The following HCCS variants were observed in gnomAD, a reference collection of about 807,000 sequenced individuals.
HCCS encodes holocytochrome c synthase.
HCCS carries 2 observed loss-of-function variants against 24.2 expected under a neutral mutation model. The observed-to-expected ratio is 0.08, with a 90% confidence interval of 0.03 to 0.26. HCCS has a LOEUF of 0.26. Among genes scored for constraint, HCCS ranks in the 10% least tolerant of loss-of-function variants. The pLI is 1.00. For missense variants in HCCS, 150 were observed against 213.3 expected, an observed-to-expected ratio of 0.70 and a Z score of 1.85; for synonymous variants, 73 against 76.2, an observed-to-expected ratio of 0.96 and a Z score of 0.22.
At chrX:11,112,283 G>A in intron 2 of HCCS, 123 bp downstream of exon 2, 2 of 531,582 alleles carry the variant, frequency 3.8e-6, no homozygotes, top group East Asian at 3.7e-5. Flanking sequence ...TCAGGACTTC[G>A]AGACCAGCCT....
Position 11,114,968 on chromosome X carries a change from C to T in HCCS, c.234C>T (p.Asn78=), listed in dbSNP as rs1169809647. The part of the protein sequence containing the change: ...IRGTAAENKE[N]LDPSNLMPPP... ...GCACTGCGGCTGAGAATAAGGAGAA[C>T]CTAGATCCTTCAAATCTGGTAATCC... The change falls in exon 3 of 7, where the codon AAC becomes AAT. Residue 78 remains asparagine (N), a synonymous_variant. Transcript: ENST00000380762. 8.3e-7 allele frequency: 1 copy of T among 1,207,730 alleles called. No individual in the cohort carries two copies. Among genetic ancestry groups the T allele is most frequent in the Admixed American group, 2.2e-5 (1 of 45,856 alleles).
chrX:11,116,406 A>T (rs959773945), intron 3 of HCCS, among the ~76,000 whole-genome samples: 2 of 112,759 alleles, frequency 1.8e-5, no homozygotes, highest in East Asian at 5.5e-4. Flanking sequence ...TCTTAAACAC[A>T]CTGTGGTGAT....
In HCCS at chrX:11,114,818, A is replaced by G. The variant is rs1347923160; in HGVS notation, c.101-17A>G. The G allele has an allele frequency of 1.7e-6, 2 of 1,202,715 alleles. No homozygotes were observed. Among genetic ancestry groups the G allele is most frequent in the East Asian group, 3.0e-5 (1 of 33,789 alleles). On this transcript the variant is annotated splice_polypyrimidine_tract_variant and intron_variant, in intron 2 of 6. Transcript: ENST00000380762. Reference sequence around the variant, plus strand: ...CTGCCTTCATGGTGACACCATTTTTATACTTGATTATTTCAGGCTGTCCAG... The same window carrying G: ...CTGCCTTCATGGTGACACCATTTTTGTACTTGATTATTTCAGGCTGTCCAG...
At position 11,120,985 on chromosome X, in the gene HCCS, C is replaced by T; in HGVS notation, c.600C>T (p.Ser200=). The T allele has an allele frequency of 8.3e-7, 1 of 1,201,126 alleles. No homozygotes were observed. Among genetic ancestry groups the T allele is most frequent in the Non-Finnish European group, 1.1e-6 (1 of 885,625 alleles). ...ATTCACCAAGGGCACGAATTCGTTCCTGGATGGGGTGAGTGTCAGCGCAGA... is the reference window on the plus strand; with the variant it reads ...ATTCACCAAGGGCACGAATTCGTTCTTGGATGGGGTGAGTGTCAGCGCAGA... The part of the protein sequence containing the change: ...KEYSPRARIR[S]WMGYELPFDR... The change falls in exon 6 of 7, where the codon TCC becomes TCT. Residue 200 remains serine, a synonymous_variant. Transcript: ENST00000380762.
At chrX:11,112,503 A>G (rs1407570070) in intron 2 of HCCS, among the ~76,000 whole-genome samples, 1 of 111,961 alleles carries the variant, frequency 8.9e-6, no homozygotes, top group African/African-American at 3.3e-5. Flanking sequence ...GAAAGCCTCT[A>G]AAGGAAGAGG....
intron 2 of HCCS, among the ~76,000 whole-genome samples, chrX:11,112,778 G>A (rs1352520723): frequency 8.9e-6 from 1 of 112,885 alleles, no homozygotes; most frequent in Admixed American, 9.3e-5. Context: ...TTAACTGGAG[G>A]GGGGCAATCC....
At chrX:11,118,997 G>A (rs1013432565) in intron 5 of HCCS, among the ~76,000 whole-genome samples, 1 of 111,140 alleles carries the variant, frequency 9.0e-6, no homozygotes, top group African/African-American at 3.3e-5. Flanking sequence ...GGCTGTTTTC[G>A]GCTTCGTCAT....
At chrX:11,112,250 C>T in intron 2 of HCCS, 90 bp downstream of exon 2, 1 of 680,689 alleles carries the variant, frequency 1.5e-6, no homozygotes, top group Admixed American at 2.5e-5. Flanking sequence ...TTTGGGAGGC[C>T]GAGGTGGGTG....
rs918468109 is a variant in HCCS at position 11,118,675 on chromosome X, C to T, written c.521+55C>T. On this transcript the variant is annotated intron_variant, in intron 5 of 6. Transcript: ENST00000380762. ...AAGCATCTTTGTTATTTCATATCAG[C>T]TTTCTAGAGTTTTAACATTCAAATC... 4 of 1,123,514 alleles carry T rather than the reference C, an allele frequency of 3.6e-6. No homozygotes were observed. In the Admixed American group the frequency reaches 8.7e-5, roughly 24 times the overall value. The allele number at this position is 1,123,514 out of a possible 1,213,427, so 92.6% of individuals were successfully genotyped here. A position where few individuals can be genotyped will look rare whatever the true frequency, so the allele number is the denominator to read the frequency against.
At chrX:11,113,178 C>T in intron 2 of HCCS, among the ~76,000 whole-genome samples, 1 of 111,943 alleles carries the variant, frequency 8.9e-6, no homozygotes, top group Admixed American at 9.4e-5. Flanking sequence ...TCGTGAAGGG[C>T]AGAAGCAACA....
intron 1 of HCCS, 132 bp from the exon 2 acceptor site, chrX:11,111,887 C>A (rs1009538366): frequency 1.7e-5 from 8 of 482,225 alleles, no homozygotes; most frequent in African/African-American, 4.7e-5. Context: ...TAAAGCTGTC[C>A]TTCGAAGTTA....
At chrX:11,115,476 A>G (rs928759086) in intron 3 of HCCS, among the ~76,000 whole-genome samples, 4 of 112,138 alleles carry the variant, frequency 3.6e-5, no homozygotes, top group Non-Finnish European at 7.5e-5. Flanking sequence ...TGACATCACT[A>G]CATTTTGTGA....
Position 11,121,841 on chromosome X carries a change from A to G in HCCS, c.*31A>G, listed in dbSNP as rs1569221979. On this transcript the variant is annotated 3_prime_UTR_variant, in exon 7 of 7. Coordinates refer to ENST00000380762, the MANE Select transcript of HCCS (RefSeq NM_005333.5). ...TGTTTCAGATGGAAAAATATAAACT[A>G]TTTTTTTCTGAGCGATACATTAAAC... is the stretch of plus-strand genomic sequence containing the variant. The G allele has an allele frequency of 4.5e-6, 5 of 1,121,256 alleles. No individual in the cohort carries two copies. Among genetic ancestry groups the G allele is most frequent in the South Asian group, 3.7e-5 (2 of 54,159 alleles). 92.4% of individuals were successfully genotyped at this position (1,121,256 alleles called of 1,213,427 possible).
rs1569221979 is a variant in HCCS at position 11,121,841 on chromosome X, A to C, written c.*31A>C. 4 of 1,120,013 alleles carry C rather than the reference A, an allele frequency of 3.6e-6. No homozygotes were observed. The highest frequency in any genetic ancestry group is 4.4e-5 in the Admixed American group (2 of 45,129). The allele number at this position is 1,120,013 out of a possible 1,213,427, so 92.3% of individuals were successfully genotyped here. A position where few individuals can be genotyped will look rare whatever the true frequency, so the allele number is the denominator to read the frequency against. ...TGTTTCAGATGGAAAAATATAAACT[A>C]TTTTTTTCTGAGCGATACATTAAAC... On this transcript the variant is annotated 3_prime_UTR_variant, in exon 7 of 7. Transcript: ENST00000380762.
At chrX:11,115,696 C>T (rs2045442888) in intron 3 of HCCS, among the ~76,000 whole-genome samples, 1 of 112,228 alleles carries the variant, frequency 8.9e-6, no homozygotes, top group Admixed American at 9.4e-5. Flanking sequence ...CAAACTATGG[C>T]CCACTGCCTG....
intron 4 of HCCS, among the ~76,000 whole-genome samples, chrX:11,117,782 C>T (rs1380198584): frequency 5.4e-5 from 6 of 111,956 alleles, no homozygotes; most frequent in Non-Finnish European, 1.1e-4. Context: ...AGCCAGCGGT[C>T]TCAAGATGCA....
intron 6 of HCCS, among the ~76,000 whole-genome samples, 181 bp from the exon 7 acceptor site, chrX:11,121,429 TCA>T (rs1383671243): frequency 8.9e-6 from 1 of 112,624 alleles, no homozygotes; most frequent in East Asian, 2.8e-4. Context: ...TACGGACTTA[TCA>T]CAGTTCTTCA....
At chrX:11,116,317 G>A (rs1035387528) in intron 3 of HCCS, 5 of 112,083 alleles carry the variant, frequency 4.5e-5, no homozygotes, top group Non-Finnish European at 9.4e-5. Context: ...TACTGAGAGT[G>A]AAGGAGTCAT....
At chrX:11,115,111 T>C (rs1279658496) in intron 3 of HCCS, 125 bp downstream of exon 3, 2 of 609,915 alleles carry the variant, frequency 3.3e-6, no homozygotes, top group Non-Finnish European at 5.5e-6. Context: ...AAGTTAGATA[T>C]TCTATCTACA....
Sources: gnomAD v4.1 joint callset for allele counts (sites outside exome capture counted in the v4.1 genomes callset) on GRCh38, gnomAD v4.1.1 for gene constraint, MANE v1.5 for transcripts, NCBI Gene and HGNC (gene_info 2026-07-23, HGNC 2026-07-21) for gene names.